The following RBFOX1 variants were observed in gnomAD, a reference collection of about 807,000 sequenced individuals.
RBFOX1 encodes RNA binding protein fox-1 homolog 1.
In RBFOX1, 8 loss-of-function variants were observed where a neutral mutation model predicts 57.7. That is an observed-to-expected ratio of 0.14 (90% CI 0.08 to 0.25). The LOEUF (loss-of-function observed/expected upper bound fraction) is 0.25, where lower values mean the gene tolerates loss of function less well. Ranked by LOEUF, RBFOX1 falls within the 10% of genes least tolerant of loss-of-function variation. The pLI, the probability that RBFOX1 is intolerant of heterozygous loss-of-function variation, is 1.00. For synonymous variants in RBFOX1, 326 were observed against 222.4 expected (o/e 1.47, Z -4.15); for missense variants, 611 against 548.5 (o/e 1.11, Z -1.14).
At chr16:5,785,858 C>T (rs1160302079) in intron 3 of RBFOX1, among the ~76,000 whole-genome samples, 1 of 152,114 alleles carries the variant, frequency 6.6e-6, no homozygotes, top group Admixed American at 6.6e-5. Flanking sequence ...AAAAATCTGC[C>T]TCTCTTCATT....
At chr16:7,224,306 A>G (rs189729490) in intron 4 of RBFOX1, among the ~76,000 whole-genome samples, 13 of 152,312 alleles carry the variant, frequency 8.5e-5, no homozygotes, top group Admixed American at 6.5e-4. Flanking sequence ...TGTTAGTAAT[A>G]AAGTGTAGCA....
chr16:6,826,648 T>A (rs1162404110), intron 3 of RBFOX1, among the ~76,000 whole-genome samples: 1 of 152,034 alleles, frequency 6.6e-6, no homozygotes, highest in South Asian at 2.1e-4. Context: ...AAACCTTCCT[T>A]TTTTTCTTTG....
rs1568297262 is a variant in RBFOX1 at position 7,340,246 on chromosome 16, C to G, written c.28-177901C>G. Among the ~76,000 whole-genome samples the G allele has an allele frequency of 2.0e-5, 3 of 152,228 alleles. No homozygotes were observed. The South Asian group carries it at 6.2e-4, about 32-fold the overall frequency. On this transcript the variant is annotated intron_variant, in intron 4 of 15. Transcript: ENST00000550418. ...TTATCAACAACAATTATAGTTAAAG[C>G]TGTCACAGACATTCAAACCTGTGCT... is the stretch of plus-strand genomic sequence containing the variant.
chr16:5,473,389 G>A (rs1002361144), intron 2 of RBFOX1, among the ~76,000 whole-genome samples: 8 of 151,748 alleles, frequency 5.3e-5, no homozygotes, highest in African/African-American at 1.9e-4. Context: ...ATTACTTTCT[G>A]TACTTACCCT....
chr16:7,473,179 G>C (rs956934948), intron 4 of RBFOX1, among the ~76,000 whole-genome samples: 16 of 152,056 alleles, frequency 1.1e-4, no homozygotes, highest in African/African-American at 3.4e-4. Flanking sequence ...AGGAGTTTGA[G>C]ACCAGCCTGG....
At chr16:7,710,522 G>A in intron 15 of RBFOX1, 101 bp from the exon 16 acceptor site, 2 of 1,571,274 alleles carry the variant, frequency 1.3e-6, no homozygotes, top group Non-Finnish European at 1.7e-6. Flanking sequence ...CTCCATTTCG[G>A]TTGGTTTTGA....
At position 6,097,873 on chromosome 16, in the gene RBFOX1, C is replaced by T. The variant is rs1216459026; in HGVS notation, c.-127+77881C>T. Among the ~76,000 whole-genome samples, 1 of 151,956 alleles carries T rather than the reference C, an allele frequency of 6.6e-6. No homozygotes were observed. Among genetic ancestry groups the T allele is most frequent in the Non-Finnish European group, 1.5e-5 (1 of 68,016 alleles). ...AAGTGGGGGACGTGTCTGATTTGTGCATGGCTATTTTGCGATTTGCCATTG... is the reference window on the plus strand; with the variant it reads ...AAGTGGGGGACGTGTCTGATTTGTGTATGGCTATTTTGCGATTTGCCATTG... On this transcript the variant is annotated intron_variant, in intron 1 of 15. Coordinates refer to ENST00000550418, the MANE Select transcript of RBFOX1 (RefSeq NM_018723.4). This position sits in a 1 kb window ranked among gnomAD's most constrained non-coding sequence, Gnocchi z 5.0.
intron 3 of RBFOX1, among the ~76,000 whole-genome samples, chr16:5,663,371 AT>A (rs756775964): frequency 4.8e-3 from 679 of 141,906 alleles, no homozygotes; most frequent in Middle Eastern, 7.4e-3. Context: ...TGCCCAGCTA[AT>A]TTTTTTTTTT....
chr16:7,638,510 C>A (rs1308262994), intron 11 of RBFOX1, among the ~76,000 whole-genome samples: 1 of 152,194 alleles, frequency 6.6e-6, no homozygotes, highest in Admixed American at 6.5e-5. Context: ...TGTCCAGCAA[C>A]TCTATTTGGG....
chr16:6,367,075 G>T (rs1426239711), intron 2 of RBFOX1, among the ~76,000 whole-genome samples: 1 of 152,120 alleles, frequency 6.6e-6, no homozygotes, highest in African/African-American at 2.4e-5. Flanking sequence ...TGTAGCTCCT[G>T]CCTGAGCTTT....
chr16:7,504,732 T>A (rs2072306189), intron 4 of RBFOX1, among the ~76,000 whole-genome samples: 2 of 8,646 alleles, frequency 2.3e-4, no homozygotes, highest in African/African-American at 5.6e-4. Flanking sequence ...TATATATATA[T>A]ATATATATAT....
At chr16:6,557,189 TAAA>T (rs1407939492) in intron 2 of RBFOX1, among the ~76,000 whole-genome samples, 10 of 148,402 alleles carry the variant, frequency 6.7e-5, no homozygotes, top group Admixed American at 3.4e-4. Context: ...ATATATATAA[TAAA>T]AAAGTGGGAA....
chr16:7,656,980 A>C lies in RBFOX1; in HGVS notation c.890+3033A>C, dbSNP rs192373878. On this transcript the variant is annotated intron_variant, in intron 12 of 15. Transcript: ENST00000550418. ...TCCACCCACACCCCCAGCAATCTCC[A>C]TCTTTTCTAAGATGTCACCTAACAA... 2.3e-3 allele frequency among the ~76,000 whole-genome samples: 355 copies of C among 152,210 alleles called. 1 individual carries two copies. Among genetic ancestry groups the C allele is most frequent in the African/African-American group, 8.3e-3 (346 of 41,544 alleles).
intron 3 of RBFOX1, among the ~76,000 whole-genome samples, chr16:6,902,677 G>C (rs1271417131): frequency 6.6e-6 from 1 of 152,172 alleles, no homozygotes; most frequent in South Asian, 2.1e-4. Flanking sequence ...AGCTGAGATT[G>C]TGCCACTGCA....
At chr16:7,704,604 A>G (rs2081841272) in intron 14 of RBFOX1, among the ~76,000 whole-genome samples, 1 of 152,154 alleles carries the variant, frequency 6.6e-6, no homozygotes, top group African/African-American at 2.4e-5. Context: ...TGGGGATGCA[A>G]TGGCAGACAA....
chr16:7,250,130 C>G (rs918441048), intron 4 of RBFOX1, among the ~76,000 whole-genome samples: 1 of 152,148 alleles, frequency 6.6e-6, no homozygotes, highest in East Asian at 1.9e-4. Flanking sequence ...TTCTTCATGT[C>G]TTTCAAGCCT....
intron 14 of RBFOX1, among the ~76,000 whole-genome samples, chr16:7,689,737 A>C (rs1293107442): frequency 6.6e-6 from 1 of 152,058 alleles, no homozygotes; most frequent in Non-Finnish European, 1.5e-5. Flanking sequence ...AAACCCAAGC[A>C]AGGATGATCT....
intron 3 of RBFOX1, among the ~76,000 whole-genome samples, chr16:6,814,748 T>TG (rs1013566173): frequency 3.9e-5 from 6 of 151,940 alleles, no homozygotes; most frequent in Non-Finnish European, 8.8e-5. Flanking sequence ...TCTGGAACCC[T>TG]GGGGGAGAGG....
intron 3 of RBFOX1, among the ~76,000 whole-genome samples, chr16:5,821,754 G>A (rs887128484): frequency 3.3e-5 from 5 of 152,166 alleles, no homozygotes; most frequent in Non-Finnish European, 5.9e-5. Flanking sequence ...CAAGGTCAAG[G>A]CACCAGCAGG....
Sources: allele counts gnomAD v4.1 joint callset (sites outside exome capture counted in the v4.1 genomes callset), GRCh38; gene constraint gnomAD v4.1.1; non-coding constraint Gnocchi (gnomAD v3.1); transcripts MANE v1.5; gene names NCBI Gene and HGNC (gene_info 2026-07-23, HGNC 2026-07-21).